Variants in CRISP2 observed in about 807,000 individuals in gnomAD.
The protein encoded by CRISP2 is cysteine rich secretory protein 2, also known as cysteine-rich secretory protein 2.
A neutral mutation model predicts 31.7 loss-of-function variants in CRISP2; 29 were observed. The observed-to-expected ratio is 0.92, with a 90% CI of 0.68 to 1.25. The LOEUF (loss-of-function observed/expected upper bound fraction) is 1.25. Ranked by LOEUF, CRISP2 falls within the 50% of genes most tolerant of loss-of-function variation. The pLI is 0.00. For synonymous variants in CRISP2, 111 were observed against 101.4 expected (o/e 1.09, Z -0.57); for missense variants, 318 against 286.5 (o/e 1.11, Z -0.79).
At chr6:49,705,191 T>C (rs547848) in intron 4 of CRISP2, among the ~76,000 whole-genome samples, 38,220 of 151,880 alleles carry the variant, frequency 0.25, 5,046 homozygotes, top group East Asian at 0.47. Flanking sequence ...CTGCAGCCAC[T>C]GTGCAAGATG....
At chr6:49,677,680 A>G in the CRISP2 span, among the ~76,000 whole-genome samples, 2 of 152,128 alleles carry the variant, frequency 1.3e-5, no homozygotes, top group Non-Finnish European at 2.9e-5. Flanking sequence ...TCATTAAATT[A>G]TTACTCAATA....
chr6:49,700,231 A>G (rs76633555), intron 5 of CRISP2, among the ~76,000 whole-genome samples: 2,043 of 152,266 alleles, frequency 0.013, 35 homozygotes, highest in African/African-American at 0.046. Context: ...AAGATGGCCA[A>G]CGTTATTTCC....
chr6:49,686,142 C>T, the CRISP2 span, among the ~76,000 whole-genome samples: 3 of 152,134 alleles, frequency 2.0e-5, no homozygotes, highest in Admixed American at 6.5e-5. Flanking sequence ...TTTTGCTCTT[C>T]GCTGTCTTTC....
downstream of CRISP2, among the ~76,000 whole-genome samples, chr6:49,690,035 G>T (rs1763998956): frequency 6.6e-6 from 1 of 152,246 alleles, no homozygotes; most frequent in Non-Finnish European, 1.5e-5. Context: ...AATTTAAAGA[G>T]AACTTGCATT....
the CRISP2 span, among the ~76,000 whole-genome samples, chr6:49,685,461 T>C: frequency 6.6e-6 from 1 of 152,206 alleles, no homozygotes; most frequent in Non-Finnish European, 1.5e-5. Context: ...AAACCATAAA[T>C]TCATACCGAT....
chr6:49,711,269 A>G lies in CRISP2; in HGVS notation c.-10+16T>C, dbSNP rs1195630044. 2 of 152,360 alleles carry G rather than the reference A, an allele frequency of 1.3e-5. No individual in the cohort carries two copies. The highest frequency in any genetic ancestry group is 1.9e-4 in the East Asian group (1 of 5,190). 9.4% of individuals were successfully genotyped at this position (152,360 alleles called of 1,614,324 possible). A position where few individuals can be genotyped will look rare whatever the true frequency, so the allele number is the denominator to read the frequency against. ...TGATAAAATATTCACATTAAAATCA[A>G]TGATTTAACACTTACTGTTGGTTTT... is the stretch of plus-strand genomic sequence containing the variant. On this transcript the variant is annotated intron_variant, in intron 3 of 9. Coordinates refer to ENST00000339139, the MANE Select transcript of CRISP2 (RefSeq NM_003296.4).
downstream of CRISP2, among the ~76,000 whole-genome samples, chr6:49,691,025 C>T (rs1311997759): frequency 1.3e-5 from 2 of 151,584 alleles, no homozygotes; most frequent in East Asian, 1.9e-4. Flanking sequence ...AAAGATTTTC[C>T]TACTACCTGA....
intron 4 of CRISP2, among the ~76,000 whole-genome samples, chr6:49,701,521 TATATACACAC>T (rs1479362942): frequency 8.1e-5 from 10 of 124,020 alleles, no homozygotes; most frequent in African/African-American, 3.1e-4. Context: ...TATATATATA[TATATACACAC>T]ACACACACAC....
chr6:49,680,722 T>C, the CRISP2 span, among the ~76,000 whole-genome samples: 1 of 152,232 alleles, frequency 6.6e-6, no homozygotes, highest in Admixed American at 6.5e-5. Flanking sequence ...TCTCTCATTG[T>C]GGTTTTGATT....
At chr6:49,701,500 GTA>G (rs1165518459) in intron 4 of CRISP2, among the ~76,000 whole-genome samples, 7,431 of 46,160 alleles carry the variant, frequency 0.16, 511 homozygotes, top group South Asian at 0.28. Context: ...GTGTGTGTGT[GTA>G]TATATATATA....
At chr6:49,687,063 G>A in the CRISP2 span, among the ~76,000 whole-genome samples, 1 of 151,970 alleles carries the variant, frequency 6.6e-6, no homozygotes, top group Non-Finnish European at 1.5e-5. Flanking sequence ...GGGATGGGGG[G>A]AGAGGGGAGG....
At chr6:49,702,133 T>C (rs1237273552) in intron 4 of CRISP2, among the ~76,000 whole-genome samples, 2 of 16 alleles carry the variant, frequency 0.12, no homozygotes, top group Non-Finnish European at 0.17. Flanking sequence ...ATTATATATA[T>C]GTGTACTATA....
chr6:49,697,750 C>G, intron 8 of CRISP2, 110 bp downstream of exon 8: 2 of 1,582,638 alleles, frequency 1.3e-6, no homozygotes, highest in South Asian at 2.3e-5. Context: ...AAACGTTTAT[C>G]CCCTCCCTTT....
downstream of CRISP2, among the ~76,000 whole-genome samples, chr6:49,688,883 G>T (rs987301970): frequency 6.6e-6 from 1 of 151,442 alleles, no homozygotes; most frequent in Non-Finnish European, 1.5e-5. Context: ...TATTTTTTTG[G>T]GGGGGACTGA....
At chr6:49,695,970 T>C (rs773408196) in intron 8 of CRISP2, 46 bp from the exon 9 acceptor site, 2 of 1,259,672 alleles carry the variant, frequency 1.6e-6, no homozygotes, top group Non-Finnish European at 1.2e-6. Flanking sequence ...TTACTGTTTA[T>C]ACTCTAAGGG....
the CRISP2 span, among the ~76,000 whole-genome samples, chr6:49,685,076 G>A: frequency 1.3e-5 from 2 of 152,068 alleles, no homozygotes; most frequent in Non-Finnish European, 2.9e-5. Context: ...TTTCTGTTTT[G>A]GGCTCCCCGG....
intron 4 of CRISP2, among the ~76,000 whole-genome samples, chr6:49,702,309 C>G (rs1766224521): frequency 1.3e-5 from 2 of 149,880 alleles, no homozygotes. Flanking sequence ...GACTTCTTTT[C>G]CTCTGAGTAG....
the CRISP2 span, among the ~76,000 whole-genome samples, chr6:49,682,960 A>G: frequency 1.3e-5 from 2 of 151,832 alleles, no homozygotes; most frequent in African/African-American, 2.4e-5. Flanking sequence ...AGAGTTCAGA[A>G]CCAGCCTGGC....
At chr6:49,689,059 A>T (rs1012451288), downstream of CRISP2, among the ~76,000 whole-genome samples, 4 of 152,026 alleles carry the variant, frequency 2.6e-5, no homozygotes, top group East Asian at 5.8e-4. Context: ...TTTGGTAGAG[A>T]TGAAGATTCA....
Sources: gnomAD v4.1 joint callset for allele counts (sites outside exome capture counted in the v4.1 genomes callset) on GRCh38, gnomAD v4.1.1 for gene constraint, MANE v1.5 for transcripts, NCBI Gene and HGNC (gene_info 2026-07-23, HGNC 2026-07-21) for gene names.